USP15: variants seen among roughly 807,000 people sequenced by gnomAD.
USP15 encodes the protein ubiquitin specific peptidase 15.
In USP15, 18 loss-of-function variants were observed where a neutral mutation model predicts 127.1. The ratio of observed to expected loss-of-function variants is 0.14; its 90% confidence interval spans 0.10 to 0.21. The LOEUF (loss-of-function observed/expected upper bound fraction) is 0.21. USP15 is among the 10% of genes least tolerant of loss of function. The pLI is 1.00. For missense variants in USP15, 805 were observed against 1,159.9 expected (o/e 0.69, Z 4.44); for synonymous variants, 364 against 393.7 (o/e 0.92, Z 0.89).
Position 62,406,984 on chromosome 12 carries a change from A to G in USP15, c.*2609A>G, listed in dbSNP as rs2067887272. On this transcript the variant is annotated 3_prime_UTR_variant, in exon 22 of 22. Transcript: ENST00000280377. ...TGTCTCAAAAAAAAAAAAGATATTC[A>G]TAGGTAATACAGGGTAATGGGAATA... 1 of 152,218 alleles carries G rather than the reference A, an allele frequency of 6.6e-6. No homozygotes were observed. The highest frequency in any genetic ancestry group is 2.1e-4 in the South Asian group (1 of 4,818). The allele number at this position is 152,218 out of a possible 1,614,324, so 9.4% of individuals were successfully genotyped here.
chr12:62,295,208 G>GT (rs981894011), intron 2 of USP15, among the ~76,000 whole-genome samples: 113 of 152,240 alleles, frequency 7.4e-4, no homozygotes, highest in African/African-American at 2.5e-3. Flanking sequence ...ACTGCCCAAG[G>GT]TCAGACAAGG....
intron 6 of USP15, among the ~76,000 whole-genome samples, chr12:62,332,554 A>T (rs796327392): frequency 6.6e-6 from 1 of 152,118 alleles, no homozygotes; most frequent in Non-Finnish European, 1.5e-5. Flanking sequence ...AGAAAATTTG[A>T]TTTAAATTTA....
intron 1 of USP15, among the ~76,000 whole-genome samples, chr12:62,291,366 G>T (rs1355211794): frequency 6.6e-6 from 1 of 151,914 alleles, no homozygotes; most frequent in African/African-American, 2.4e-5. Context: ...TCTGTATTTT[G>T]TAAATCCTTC....
intron 7 of USP15, among the ~76,000 whole-genome samples, chr12:62,352,715 A>G (rs963427395): frequency 2.0e-5 from 3 of 152,030 alleles, no homozygotes; most frequent in Non-Finnish European, 4.4e-5. Context: ...TCATTAACTG[A>G]AAAATGGGCA....
Position 62,312,380 on chromosome 12 carries a change from T to G in USP15, c.349-2410T>G, listed in dbSNP as rs142125711. On this transcript the variant is annotated intron_variant, in intron 3 of 21. Coordinates refer to ENST00000280377, the MANE Select transcript of USP15 (RefSeq NM_001252078.2). ...CTATATTAGGTTTATTTAATATGTTTAATGGCCTTGTAAAAAATACCCTAA... is the reference window on the plus strand; with the variant it reads ...CTATATTAGGTTTATTTAATATGTTGAATGGCCTTGTAAAAAATACCCTAA... The G allele has an allele frequency of 4.1e-3, 745 of 180,448 alleles. 10 individuals carry two copies. Among genetic ancestry groups the G allele is most frequent in the African/African-American group, 0.016 (669 of 41,856 alleles). The allele number at this position is 180,448 out of a possible 1,614,324, so 11.2% of individuals were successfully genotyped here.
chr12:62,374,831 A>C lies in USP15; in HGVS notation c.916-6659A>C, dbSNP rs554655018. Among the ~76,000 whole-genome samples the C allele has an allele frequency of 2.6e-5, 4 of 152,266 alleles. 1 individual carries two copies. The highest frequency in any genetic ancestry group is 9.6e-5 in the African/African-American group (4 of 41,576). ...AGAGCAATAGAATTTGTGCATGTGT[A>C]TATAAAGAAAAGTTATGTGCAATGC... On this transcript the variant is annotated intron_variant, in intron 8 of 21. Transcript: ENST00000280377.
At chr12:62,293,093 A>G (rs1287720279) in intron 1 of USP15, among the ~76,000 whole-genome samples, 1 of 152,080 alleles carries the variant, frequency 6.6e-6, no homozygotes, top group East Asian at 1.9e-4. Context: ...CACCCTCAAG[A>G]AATCCCTACC....
At position 62,346,059 on chromosome 12, in the gene USP15, G is replaced by A. The variant is rs115286498; in HGVS notation, c.684-3162G>A. 3.8e-3 allele frequency among the ~76,000 whole-genome samples: 583 copies of A among 152,154 alleles called. 7 individuals carry two copies. Among genetic ancestry groups the A allele is most frequent in the African/African-American group, 0.013 (527 of 41,490 alleles). On this transcript the variant is annotated intron_variant, in intron 6 of 21. Transcript: ENST00000280377. The stretch of plus-strand genomic sequence containing the variant: ...TAACCACACGTAGTCGTTTCCTAAC[G>A]TAAAAGAGAAAAAAGAGTGGTGTCA...
chr12:62,404,179 CT>C lies in USP15; in HGVS notation c.2764-11del, dbSNP rs1358479999. ...TGAGAATCATAACTGTTTTAACATC[CT>C]TTGTTTTGACAGTCCAAAGCAGCAT... On this transcript the variant is annotated splice_polypyrimidine_tract_variant and intron_variant, in intron 21 of 21. Transcript: ENST00000280377. The C allele has an allele frequency of 2.5e-6, 4 of 1,583,112 alleles. No homozygotes were observed. The highest frequency in any genetic ancestry group is 1.7e-4 in the Middle Eastern group (1 of 5,894).
At chr12:62,329,368 C>G (rs1307074404) in intron 6 of USP15, among the ~76,000 whole-genome samples, 1 of 152,016 alleles carries the variant, frequency 6.6e-6, no homozygotes, top group African/African-American at 2.4e-5. Context: ...GAGACTCTAT[C>G]TGAAAATAAA....
intron 1 of USP15, among the ~76,000 whole-genome samples, chr12:62,292,147 G>C (rs1391350179): frequency 6.6e-6 from 1 of 151,944 alleles, no homozygotes; most frequent in South Asian, 2.1e-4. Flanking sequence ...GGGGTGGGAT[G>C]GGGGGGTGTG....
chr12:62,359,807 G>T (rs2066257306), intron 8 of USP15, among the ~76,000 whole-genome samples: 1 of 152,032 alleles, frequency 6.6e-6, no homozygotes, highest in South Asian at 2.1e-4. Flanking sequence ...TATTCTATCT[G>T]TAGGGCACTA....
intron 6 of USP15, chr12:62,327,605 G>T: frequency 4.7e-6 from 2 of 428,282 alleles, no homozygotes; most frequent in Non-Finnish European, 4.6e-6. Flanking sequence ...TACTTAAAAT[G>T]ACTGATTTTT....
rs186085114 is a variant in USP15 at position 62,361,189 on chromosome 12, T to C, written c.915+5714T>C. ...GTGTTCACAACTAGGGGAAAAATGGTATCTCTAAAAGAATGCCTTGCACTT... is the reference window on the plus strand; with the variant it reads ...GTGTTCACAACTAGGGGAAAAATGGCATCTCTAAAAGAATGCCTTGCACTT... On this transcript the variant is annotated intron_variant, in intron 8 of 21. Transcript: ENST00000280377. Among the ~76,000 whole-genome samples the C allele has an allele frequency of 1.9e-3, 292 of 152,188 alleles. 3 individuals carry two copies. The highest frequency in any genetic ancestry group is 6.7e-3 in the African/African-American group (280 of 41,570).
chr12:62,380,278 A>G (rs1228354421), intron 8 of USP15, among the ~76,000 whole-genome samples: 1 of 151,898 alleles, frequency 6.6e-6, no homozygotes, highest in Non-Finnish European at 1.5e-5. Context: ...ACTTCAGTAA[A>G]CATGTTGATT....
At chr12:62,312,784 G>T (rs1036553624) in intron 3 of USP15, among the ~76,000 whole-genome samples, 3 of 151,516 alleles carry the variant, frequency 2.0e-5, no homozygotes, top group African/African-American at 7.3e-5. Flanking sequence ...CTTCCTGTTA[G>T]TCTTCATGAC....
At chr12:62,345,885 T>C (rs1460800451) in intron 6 of USP15, among the ~76,000 whole-genome samples, 4 of 152,116 alleles carry the variant, frequency 2.6e-5, no homozygotes, top group African/African-American at 7.2e-5. Flanking sequence ...ATTCATTCAC[T>C]ATCACAAGAA....
chr12:62,269,899 G>A (rs576264573), intron 1 of USP15, among the ~76,000 whole-genome samples: 10 of 151,966 alleles, frequency 6.6e-5, no homozygotes, highest in South Asian at 6.2e-4. Flanking sequence ...TTCATTTCTC[G>A]TGTATATACC....
intron 11 of USP15, among the ~76,000 whole-genome samples, chr12:62,385,996 G>A (rs975846612): frequency 3.9e-5 from 6 of 151,934 alleles, no homozygotes; most frequent in African/African-American, 1.2e-4. Flanking sequence ...TTACACATTA[G>A]TCCATAAGGT....
Sources: allele counts gnomAD v4.1 joint callset (sites outside exome capture counted in the v4.1 genomes callset), GRCh38; gene constraint gnomAD v4.1.1; transcripts MANE v1.5; gene names NCBI Gene and HGNC (gene_info 2026-07-23, HGNC 2026-07-21).